SLC14A2: variants seen among roughly 807,000 people sequenced by gnomAD.
SLC14A2 encodes urea transporter 2.
Under a neutral mutation model 104.6 loss-of-function variants are expected in SLC14A2, and 91 were observed. That is an observed-to-expected ratio of 0.87 (90% CI 0.73 to 1.04). The LOEUF is 1.04. SLC14A2 is among the 50% of genes least tolerant of loss of function. SLC14A2 has a pLI of 0.00. For synonymous variants in SLC14A2, 476 were observed against 466.4 expected (o/e 1.02, Z -0.27); for missense variants, 1,189 against 1,156.0 (o/e 1.03, Z -0.41).
intron 1 of SLC14A2, among the ~76,000 whole-genome samples, chr18:45,409,704 A>G (rs2086194300): frequency 6.6e-6 from 1 of 152,176 alleles, no homozygotes; most frequent in South Asian, 2.1e-4. Flanking sequence ...AAGCAAAAAG[A>G]TCAAGTAAAA....
intron 1 of SLC14A2, among the ~76,000 whole-genome samples, chr18:45,617,975 T>C (rs2045100399): frequency 6.6e-6 from 1 of 152,172 alleles, no homozygotes; most frequent in Non-Finnish European, 1.5e-5. Context: ...ACCTCTGAAG[T>C]GCTCTTAGGT....
At chr18:45,236,604 T>A (rs1260733681) in intron 1 of SLC14A2, among the ~76,000 whole-genome samples, 3 of 149,998 alleles carry the variant, frequency 2.0e-5, no homozygotes, top group African/African-American at 7.4e-5. Flanking sequence ...AAAGTATATA[T>A]TCATGTGTGT....
intron 1 of SLC14A2, among the ~76,000 whole-genome samples, chr18:45,380,572 G>A (rs1305669715): frequency 6.6e-6 from 1 of 152,146 alleles, no homozygotes; most frequent in Non-Finnish European, 1.5e-5. Context: ...TAAAAAAAGT[G>A]GAATGCATTC....
chr18:45,244,446 G>A (rs932613139), intron 1 of SLC14A2, among the ~76,000 whole-genome samples: 2 of 152,188 alleles, frequency 1.3e-5, no homozygotes, highest in African/African-American at 2.4e-5. Flanking sequence ...GGCCAACATA[G>A]TGAAACCCCA....
At chr18:45,264,850 G>A (rs1299479071) in intron 1 of SLC14A2, among the ~76,000 whole-genome samples, 1 of 152,122 alleles carries the variant, frequency 6.6e-6, no homozygotes, top group Non-Finnish European at 1.5e-5. Flanking sequence ...CTTAGTATAT[G>A]ATTTTTGAGT....
intron 2 of SLC14A2, among the ~76,000 whole-genome samples, chr18:45,586,270 C>T (rs534108926): frequency 1.3e-5 from 2 of 152,240 alleles, no homozygotes; most frequent in East Asian, 1.9e-4. Context: ...GTCCCACACC[C>T]GGAAACAATC....
At chr18:45,403,727 A>C (rs916597740) in intron 1 of SLC14A2, among the ~76,000 whole-genome samples, 4 of 151,556 alleles carry the variant, frequency 2.6e-5, no homozygotes, top group Non-Finnish European at 5.9e-5. Context: ...TATCAGAAAC[A>C]GGTTCTGGCA....
intron 1 of SLC14A2, among the ~76,000 whole-genome samples, chr18:45,351,996 G>A (rs574240803): frequency 2.6e-5 from 4 of 152,220 alleles, no homozygotes; most frequent in South Asian, 2.1e-4. Context: ...TAAAGAAAAC[G>A]TCTCAGTCCA....
At chr18:45,508,608 G>C (rs925134437) in intron 2 of SLC14A2, among the ~76,000 whole-genome samples, 32 of 152,182 alleles carry the variant, frequency 2.1e-4, no homozygotes, top group African/African-American at 7.2e-4. Flanking sequence ...GACTAATACA[G>C]CCTTCATCTT....
At chr18:45,416,187 T>C (rs556788559) in intron 1 of SLC14A2, among the ~76,000 whole-genome samples, 60 of 152,268 alleles carry the variant, frequency 3.9e-4, no homozygotes, top group Non-Finnish European at 8.2e-4. Context: ...TTTTTTCTTT[T>C]TTTAAGGCAG....
At chr18:45,650,910 TTTA>T (rs770161534) in intron 10 of SLC14A2, among the ~76,000 whole-genome samples, 3 of 320 alleles carry the variant, frequency 9.4e-3, no homozygotes, top group Admixed American at 0.077. Flanking sequence ...CAGCTTTTTT[TTTA>T]TTTTTAGCAA....
chr18:45,302,643 C>T (rs1261613059), intron 1 of SLC14A2, among the ~76,000 whole-genome samples: 1 of 152,030 alleles, frequency 6.6e-6, no homozygotes, highest in Non-Finnish European at 1.5e-5. Flanking sequence ...GGTCTTCTTT[C>T]TATAGCCAAC....
chr18:45,495,445 C>G (rs1315131563), intron 2 of SLC14A2, among the ~76,000 whole-genome samples: 1 of 152,166 alleles, frequency 6.6e-6, no homozygotes, highest in African/African-American at 2.4e-5. Context: ...CCCTAGTCAG[C>G]ACTGTAGACC....
chr18:45,669,622 T>A, intron 16 of SLC14A2, 124 bp downstream of exon 16: 1 of 756,044 alleles, frequency 1.3e-6, no homozygotes, highest in Non-Finnish European at 2.1e-6. Flanking sequence ...TACCAAGCAT[T>A]CTACATATAT....
chr18:45,662,146 T>C (rs144602669), intron 10 of SLC14A2, among the ~76,000 whole-genome samples: 153 of 152,068 alleles, frequency 1.0e-3, no homozygotes, highest in African/African-American at 3.6e-3. Context: ...CTACCAAAAA[T>C]AGAAAAATTA....
chr18:45,204,769 C>T, the SLC14A2 span, among the ~76,000 whole-genome samples: 4 of 148,904 alleles, frequency 2.7e-5, no homozygotes, highest in Non-Finnish European at 4.4e-5. Context: ...TGCATTTTCA[C>T]GAATTAAAAG....
At chr18:45,469,497 G>C (rs1268831955) in intron 1 of SLC14A2, among the ~76,000 whole-genome samples, 2 of 152,096 alleles carry the variant, frequency 1.3e-5, no homozygotes, top group Non-Finnish European at 2.9e-5. Context: ...AAACAATAGG[G>C]AACAACTGGC....
chr18:45,643,300 C>G (rs531052608), intron 9 of SLC14A2, 119 bp downstream of exon 9: 10 of 850,784 alleles, frequency 1.2e-5, no homozygotes, highest in Middle Eastern at 2.2e-4. Flanking sequence ...GGTGCTCACA[C>G]GACATCTCTG....
intron 2 of SLC14A2, among the ~76,000 whole-genome samples, chr18:45,555,055 A>G (rs1373241492): frequency 1.3e-5 from 2 of 152,208 alleles, no homozygotes; most frequent in Non-Finnish European, 2.9e-5. Flanking sequence ...TAGTTGCTCA[A>G]TAAATATTTG....
Sources: allele counts gnomAD v4.1 joint callset (sites outside exome capture counted in the v4.1 genomes callset), GRCh38; gene constraint gnomAD v4.1.1; transcripts MANE v1.5; gene names NCBI Gene and HGNC (gene_info 2026-07-23, HGNC 2026-07-21).